Variants in RO60 observed in about 807,000 individuals in gnomAD.
RO60 encodes the protein RNA-binding protein RO60.
RO60 carries 20 observed loss-of-function variants against 55.3 expected under a neutral mutation model. The observed-to-expected ratio is 0.36, with a 90% CI of 0.25 to 0.53. The LOEUF (loss-of-function observed/expected upper bound fraction) is 0.53, where lower values mean the gene tolerates loss of function less well. Among genes scored for constraint, RO60 ranks in the 20% least tolerant of loss-of-function variants. RO60 has a pLI of 0.92. For missense variants in RO60, 558 were observed against 646.6 expected, an observed-to-expected ratio of 0.86 and a Z score of 1.49; for synonymous variants, 213 against 213.6, an observed-to-expected ratio of 1.00 and a Z score of 0.02.
rs2103093607 is a variant in RO60, at chr1:193,091,162, T to C, written c.*6431T>C. The C allele has an allele frequency of 6.6e-6, 1 of 152,622 alleles. No individual in the cohort carries two copies. The highest frequency in any genetic ancestry group is 2.1e-4 in the South Asian group (1 of 4,848). 9.5% of individuals were successfully genotyped at this position (152,622 alleles called of 1,614,324 possible). A position where few individuals can be genotyped will look rare whatever the true frequency, so the allele number is the denominator to read the frequency against. ...GTACAGTTCCAAAAATAATTAATTT[T>C]TTAAGGGAATTTTTCAAGACAAAAG... On this transcript the variant is annotated 3_prime_UTR_variant, in exon 9 of 9. Coordinates refer to ENST00000400968, the MANE Select transcript of RO60 (RefSeq NM_001173524.2).
intron 5 of RO60, among the ~76,000 whole-genome samples, chr1:193,080,073 G>C (rs894993767): frequency 1.3e-5 from 2 of 152,060 alleles, no homozygotes; most frequent in African/African-American, 4.8e-5. Context: ...GGAGGTTACA[G>C]TGAGCTGAGA....
At chr1:193,072,909 A>G (rs991163887) in intron 2 of RO60, among the ~76,000 whole-genome samples, 1 of 152,262 alleles carries the variant, frequency 6.6e-6, no homozygotes, top group Non-Finnish European at 1.5e-5. Flanking sequence ...CAGAACTCAC[A>G]GTTGAAACCA....
Position 193,085,759 on chromosome 1 carries a change from G to A in RO60, c.*1028G>A, listed in dbSNP as rs1674600009. On this transcript the variant is annotated 3_prime_UTR_variant, in exon 9 of 9. Transcript: ENST00000400968. The stretch of plus-strand genomic sequence containing the variant: ...CTCTTTGTCCATTATTCATTTTGTG[G>A]CAAAATATTCTTCTTTGATAGTGTA... 7.1e-6 allele frequency: 7 copies of A among 984,650 alleles called. No homozygotes were observed. The highest frequency in any genetic ancestry group is 8.4e-6 in the Non-Finnish European group (7 of 829,568). 61.0% of individuals were successfully genotyped at this position (984,650 alleles called of 1,614,324 possible).
chr1:193,084,624 A>G lies in RO60; in HGVS notation c.1510A>G (p.Asn504Asp). 4 of 1,613,864 alleles carry G rather than the reference A, an allele frequency of 2.5e-6. No homozygotes were observed. The highest frequency in any genetic ancestry group is 2.5e-6 in the Non-Finnish European group (3 of 1,179,880). Reference sequence around the variant, plus strand: ...ATTGATTGTTTGTGGAATGACATCAAATGGTTTCACCATTGCAGACCCAGA... The same window carrying G: ...ATTGATTGTTTGTGGAATGACATCAGATGGTTTCACCATTGCAGACCCAGA... The part of the protein sequence containing the change: ...AKLIVCGMTS[N>D]GFTIADPDDR... Residue 504 changes from asparagine to aspartate, a missense_variant, in exon 9 of 9, where the codon AAT (asparagine) becomes GAT (aspartate). Transcript: ENST00000400968.
rs1024489767 is a variant in RO60, at chr1:193,091,070, G to C, written c.*6339G>C. The C allele has an allele frequency of 6.6e-6, 1 of 152,402 alleles. No individual in the cohort carries two copies. The highest frequency in any genetic ancestry group is 2.1e-4 in the South Asian group (1 of 4,830). The allele number at this position is 152,402 out of a possible 1,614,324, so 9.4% of individuals were successfully genotyped here. On this transcript the variant is annotated 3_prime_UTR_variant, in exon 9 of 9. Transcript: ENST00000400968. ...GTTTTCTATAACAAGTTATCCAACA[G>C]GTTGGACTTTGTAACATGATATCCA... is the stretch of plus-strand genomic sequence containing the variant.
downstream of RO60, chr1:193,091,626 G>T (rs1572120119): frequency 1.3e-6 from 2 of 1,596,674 alleles, no homozygotes; most frequent in Admixed American, 3.4e-5. Context: ...CACTGATACT[G>T]TGAAATCCTT....
intron 2 of RO60, among the ~76,000 whole-genome samples, chr1:193,069,922 G>A (rs1333283053): frequency 6.6e-6 from 1 of 152,182 alleles, no homozygotes; most frequent in East Asian, 1.9e-4. Context: ...ATTCTGGACT[G>A]TGTAAGTAGC....
At chr1:193,070,652 T>C (rs1369988061) in intron 2 of RO60, 1 of 428,478 alleles carries the variant, frequency 2.3e-6, no homozygotes, top group Admixed American at 2.5e-5. Flanking sequence ...CCTTCATCTA[T>C]TAAAAGGAGG....
chr1:193,062,462 T>C (rs1348700138), intron 1 of RO60, among the ~76,000 whole-genome samples: 3 of 152,280 alleles, frequency 2.0e-5, no homozygotes, highest in African/African-American at 4.8e-5. Context: ...TTTATTTAAA[T>C]AACTTTCCAA....
At chr1:193,061,464 G>C (rs905710260) in intron 1 of RO60, among the ~76,000 whole-genome samples, 5 of 152,216 alleles carry the variant, frequency 3.3e-5, no homozygotes, top group African/African-American at 1.2e-4. Flanking sequence ...ATTATAAAGA[G>C]ACTTTGGAAG....
In RO60 at chr1:193,086,587, G is replaced by T. The variant is rs976693607; in HGVS notation, c.*1856G>T. On this transcript the variant is annotated 3_prime_UTR_variant, in exon 9 of 9. Transcript: ENST00000400968. ...TATTGAATTGTTTAAGTAAACCCAA[G>T]ATCTTAAAAATTATAACATGATCAT... The T allele has an allele frequency of 1.3e-5, 2 of 152,064 alleles. No individual in the cohort carries two copies. The highest frequency in any genetic ancestry group is 2.4e-5 in the African/African-American group (1 of 41,430). 9.4% of individuals were successfully genotyped at this position (152,064 alleles called of 1,614,324 possible).
intron 2 of RO60, among the ~76,000 whole-genome samples, chr1:193,073,018 A>G (rs1252426070): frequency 2.0e-5 from 3 of 152,256 alleles, no homozygotes; most frequent in Non-Finnish European, 1.5e-5. Flanking sequence ...TAGTATTTTA[A>G]TGCCTTTAAG....
chr1:193,078,625 C>T (rs1674086857), intron 5 of RO60, among the ~76,000 whole-genome samples: 1 of 151,928 alleles, frequency 6.6e-6, no homozygotes, highest in Non-Finnish European at 1.5e-5. Context: ...AAAACATTTC[C>T]ATTTACAAGA....
intron 4 of RO60, 35 bp downstream of exon 4, chr1:193,076,682 T>C: frequency 1.3e-6 from 2 of 1,542,980 alleles, no homozygotes; most frequent in Non-Finnish European, 1.7e-6. Context: ...TAGCTACTAC[T>C]AACTGAGAAA....
rs1674600137 is a variant in RO60 at position 193,085,760 on chromosome 1, C to A, written c.*1029C>A. 7.1e-6 allele frequency: 7 copies of A among 984,808 alleles called. No homozygotes were observed. The highest frequency in any genetic ancestry group is 8.4e-6 in the Non-Finnish European group (7 of 829,544). 61.0% of individuals were successfully genotyped at this position (984,808 alleles called of 1,614,324 possible). On this transcript the variant is annotated 3_prime_UTR_variant, in exon 9 of 9. Coordinates refer to ENST00000400968, the MANE Select transcript of RO60 (RefSeq NM_001173524.2). Reference sequence around the variant, plus strand: ...TCTTTGTCCATTATTCATTTTGTGGCAAAATATTCTTCTTTGATAGTGTAA... The same window carrying A: ...TCTTTGTCCATTATTCATTTTGTGGAAAAATATTCTTCTTTGATAGTGTAA...
intron 3 of RO60, 77 bp from the exon 4 acceptor site, chr1:193,076,421 GAAT>G: frequency 6.9e-7 from 1 of 1,442,494 alleles, no homozygotes; most frequent in Non-Finnish European, 9.4e-7. Context: ...ACTGTATTAT[GAAT>G]ATTTTTTTAT....
At chr1:193,081,544 G>A in intron 6 of RO60, 64 bp downstream of exon 6, 1 of 803,674 alleles carries the variant, frequency 1.2e-6, no homozygotes, top group South Asian at 1.6e-5. Context: ...AAAACTATAA[G>A]ATTAATAATG....
intron 1 of RO60, chr1:193,060,403 A>G (rs1672488291): frequency 4.7e-6 from 1 of 211,736 alleles, no homozygotes; most frequent in African/African-American, 2.3e-5. Context: ...GCAGGCTCTT[A>G]TAGAATACTA....
intron 1 of RO60, 46 bp from the exon 2 acceptor site, chr1:193,068,988 T>G: frequency 7.7e-7 from 1 of 1,290,906 alleles, no homozygotes; most frequent in South Asian, 1.4e-5. Context: ...CTTTTGTAAT[T>G]TTATTGTGCC....
Sources: gnomAD v4.1 joint callset for allele counts (sites outside exome capture counted in the v4.1 genomes callset) on GRCh38, gnomAD v4.1.1 for gene constraint, MANE v1.5 for transcripts, NCBI Gene and HGNC (gene_info 2026-07-23, HGNC 2026-07-21) for gene names.